The following KLHL6 variants were observed in gnomAD, a reference collection of about 807,000 sequenced individuals.
KLHL6 encodes kelch like family member 6.
Under a neutral mutation model 58.6 loss-of-function variants are expected in KLHL6, and 41 were observed. The ratio of observed to expected loss-of-function variants is 0.70; its 90% CI spans 0.55 to 0.91. KLHL6 has a LOEUF of 0.91. Among genes scored for constraint, KLHL6 ranks in the 40% least tolerant of loss-of-function variants. The pLI is 0.00. For synonymous variants in KLHL6, 338 were observed against 322.7 expected (o/e 1.05, Z -0.51); for missense variants, 714 against 805.6 (o/e 0.89, Z 1.38).
chr3:183,510,253 T>C (rs979018645), intron 2 of KLHL6, among the ~76,000 whole-genome samples: 2 of 145,410 alleles, frequency 1.4e-5, no homozygotes, highest in African/African-American at 5.1e-5. Flanking sequence ...TGCCCATGGG[T>C]TGATCGATTA....
At chr3:183,497,756 C>T (rs1161865099) in intron 4 of KLHL6, among the ~76,000 whole-genome samples, 1 of 152,220 alleles carries the variant, frequency 6.6e-6, no homozygotes, top group African/African-American at 2.4e-5. Context: ...AGCAGACTGT[C>T]CTGCCCCGAC....
intron 4 of KLHL6, among the ~76,000 whole-genome samples, chr3:183,494,713 CTA>C (rs1447780309): frequency 1.3e-5 from 2 of 152,182 alleles, no homozygotes; most frequent in African/African-American, 2.4e-5. Context: ...AGCTTAAATT[CTA>C]TGTTTACTTT....
chr3:183,527,222 C>T (rs2108685010), intron 2 of KLHL6, among the ~76,000 whole-genome samples: 1 of 151,976 alleles, frequency 6.6e-6, no homozygotes, highest in African/African-American at 2.4e-5. Context: ...AAAATGCACA[C>T]CAAAGACAAA....
rs1049058058 is a variant in KLHL6, at chr3:183,490,950, G to C, written c.*977C>G. 6.6e-6 allele frequency: 1 copy of C among 152,168 alleles called. No individual in the cohort carries two copies. The highest frequency in any genetic ancestry group is 2.4e-5 in the African/African-American group (1 of 41,424). The allele number at this position is 152,168 out of a possible 1,614,324, so 9.4% of individuals were successfully genotyped here. A position where few individuals can be genotyped will look rare whatever the true frequency, so the allele number is the denominator to read the frequency against. On this transcript the variant is annotated 3_prime_UTR_variant, in exon 7 of 7. Transcript: ENST00000341319. ...GGCAAGGAGCCCAAATGACTCCTTGGTTTAAATATTGGTAAAGGGCGGGGA... is the reference window on the plus strand; with the variant it reads ...GGCAAGGAGCCCAAATGACTCCTTGCTTTAAATATTGGTAAAGGGCGGGGA...
chr3:183,533,089 T>C (rs1712211894), intron 1 of KLHL6, among the ~76,000 whole-genome samples: 1 of 152,182 alleles, frequency 6.6e-6, no homozygotes, highest in South Asian at 2.1e-4. Context: ...AGCCGTTATC[T>C]CCCAGCCAAG....
At chr3:183,502,136 A>T (rs758593784) in intron 3 of KLHL6, among the ~76,000 whole-genome samples, 54 of 152,136 alleles carry the variant, frequency 3.5e-4, no homozygotes, top group Admixed American at 9.8e-4. Context: ...CTAAAAATAA[A>T]AAAGAAAATA....
chr3:183,514,661 A>T (rs1159563928), intron 2 of KLHL6, among the ~76,000 whole-genome samples: 2 of 151,574 alleles, frequency 1.3e-5, no homozygotes, highest in Non-Finnish European at 2.9e-5. Context: ...TTCTTTTTTT[A>T]AATTTAATTT....
intron 4 of KLHL6, among the ~76,000 whole-genome samples, chr3:183,498,183 G>A (rs551744319): frequency 2.0e-5 from 3 of 152,208 alleles, no homozygotes; most frequent in East Asian, 3.9e-4. Context: ...GCAGTGAGCC[G>A]AGATCACGCC....
chr3:183,504,443 A>C (rs2108671506), intron 3 of KLHL6, among the ~76,000 whole-genome samples: 1 of 152,282 alleles, frequency 6.6e-6, no homozygotes, highest in East Asian at 1.9e-4. Flanking sequence ...CAGATGTCAG[A>C]ATTCTCTCTC....
intron 1 of KLHL6, among the ~76,000 whole-genome samples, chr3:183,554,299 A>T (rs935548436): frequency 6.6e-6 from 1 of 152,206 alleles, no homozygotes; most frequent in Non-Finnish European, 1.5e-5. Flanking sequence ...GCAGAATCAG[A>T]AAAAGAATTC....
Position 183,491,728 on chromosome 3 carries a change from T to C in KLHL6, c.*199A>G, listed in dbSNP as rs1050304256. On this transcript the variant is annotated 3_prime_UTR_variant, in exon 7 of 7. Transcript: ENST00000341319. ...CTCTTCCTCGCCTCCCCTCCTGAGG[T>C]AGGTCATGCAAACATTCCTGGCCGG... The C allele has an allele frequency of 4.6e-6, 2 of 437,120 alleles. No homozygotes were observed. Among genetic ancestry groups the C allele is most frequent in the Middle Eastern group, 5.9e-4 (1 of 1,688 alleles). 27.1% of individuals were successfully genotyped at this position (437,120 alleles called of 1,614,324 possible).
chr3:183,508,023 G>T lies in KLHL6; in HGVS notation c.909+36C>A, dbSNP rs773493990. On this transcript the variant is annotated intron_variant, in intron 3 of 6. Coordinates refer to ENST00000341319, the MANE Select transcript of KLHL6 (RefSeq NM_130446.4). ...GAGCCCCTAGCTAACTCCTTACTTC[G>T]CTGGTTAAATATAGCACCTCTTATC... 8 of 1,572,668 alleles carry T rather than the reference G, an allele frequency of 5.1e-6. No individual in the cohort carries two copies. The African/African-American group carries it at 8.1e-5, about 16-fold the overall frequency.
At chr3:183,549,670 A>G (rs1021124824) in intron 1 of KLHL6, among the ~76,000 whole-genome samples, 5 of 152,164 alleles carry the variant, frequency 3.3e-5, no homozygotes, top group African/African-American at 7.2e-5. Context: ...CACCACGCCC[A>G]GCTAATTTTT....
intron 4 of KLHL6, among the ~76,000 whole-genome samples, chr3:183,495,316 A>C (rs1375335918): frequency 3.3e-5 from 5 of 151,852 alleles, no homozygotes; most frequent in Non-Finnish European, 5.9e-5. Flanking sequence ...TCTTTCTTTT[A>C]TTTATTTATT....
chr3:183,508,019 C>T (rs377312987), intron 3 of KLHL6, 40 bp downstream of exon 3: 4 of 1,569,106 alleles, frequency 2.5e-6, no homozygotes, highest in South Asian at 1.2e-5. Context: ...TAACTCCTTA[C>T]TTCGCTGGTT....
rs1478863917 is a variant in KLHL6, at chr3:183,496,116, C to T, written c.1148-1835G>A. 2.0e-5 allele frequency among the ~76,000 whole-genome samples: 3 copies of T among 151,686 alleles called. No homozygotes were observed. In the East Asian group the frequency reaches 5.8e-4, roughly 29 times the overall value. ...ATGTAGAATTGTATAGGACAGAAAA[C>T]AAGTATATAAAGGTAAAAAACAACC... On this transcript the variant is annotated intron_variant, in intron 4 of 6. Transcript: ENST00000341319.
Position 183,491,889 on chromosome 3 carries a change from T to C in KLHL6, c.*38A>G. 2.1e-6 allele frequency: 3 copies of C among 1,449,082 alleles called. No individual in the cohort carries two copies. The highest frequency in any genetic ancestry group is 5.3e-5 in the Admixed American group (2 of 38,084). The allele number at this position is 1,449,082 out of a possible 1,614,324, so 89.8% of individuals were successfully genotyped here. A position where few individuals can be genotyped will look rare whatever the true frequency, so the allele number is the denominator to read the frequency against. ...AGGGTGAGAGGTGAGGCGGGTACGC[T>C]GAGGGTCGGGGGGGCTCTCCAGCTC... On this transcript the variant is annotated 3_prime_UTR_variant, in exon 7 of 7. Transcript: ENST00000341319.
At chr3:183,526,404 T>C (rs1479299878) in intron 2 of KLHL6, among the ~76,000 whole-genome samples, 7 of 152,210 alleles carry the variant, frequency 4.6e-5, no homozygotes, top group Admixed American at 4.6e-4. Context: ...GAAGCCTGAA[T>C]ATGACCCCAG....
At chr3:183,516,716 T>C (rs572403432) in intron 2 of KLHL6, among the ~76,000 whole-genome samples, 1 of 152,354 alleles carries the variant, frequency 6.6e-6, no homozygotes, top group Admixed American at 6.5e-5. Flanking sequence ...CACTTCAGAA[T>C]CACTGAAGTC....
Sources: allele counts gnomAD v4.1 joint callset (sites outside exome capture counted in the v4.1 genomes callset), GRCh38; gene constraint gnomAD v4.1.1; transcripts MANE v1.5; gene names NCBI Gene and HGNC (gene_info 2026-07-23, HGNC 2026-07-21).